The following HAS1 variants were observed in gnomAD, a reference collection of about 807,000 sequenced individuals.
The protein encoded by HAS1 is HA synthase 1.
In HAS1, 27 loss-of-function variants were observed where a neutral mutation model predicts 35.0. That is an observed-to-expected ratio of 0.77 (90% CI 0.57 to 1.06). HAS1 has a LOEUF of 1.06. Among genes scored for constraint, HAS1 ranks in the 50% least tolerant of loss-of-function variants. The pLI is 0.00. For missense variants in HAS1, 940 were observed against 814.8 expected (o/e 1.15, Z -1.87); for synonymous variants, 409 against 371.2 (o/e 1.10, Z -1.17).
intron 1 of HAS1, among the ~76,000 whole-genome samples, chr19:51,721,986 T>C (rs895013245): frequency 1.3e-5 from 2 of 152,212 alleles, no homozygotes; most frequent in African/African-American, 4.8e-5. Flanking sequence ...CAAATACTTT[T>C]ACCCAAGGTC....
At chr19:51,723,862 T>C in intron 1 of HAS1, 63 bp downstream of exon 1, 5 of 1,404,836 alleles carry the variant, frequency 3.6e-6, no homozygotes, top group Non-Finnish European at 4.8e-6. Context: ...CATATGGCAG[T>C]AGTTTTCCCC....
intron 4 of HAS1, among the ~76,000 whole-genome samples, chr19:51,714,822 G>GACTATTGCTGTTACCATT (rs1351058219): frequency 6.6e-6 from 1 of 151,922 alleles, no homozygotes; most frequent in Non-Finnish European, 1.5e-5. Context: ...TTTTTACTAT[G>GACTATTGCTGTTACCATT]ACTATTGCTG....
chr19:51,715,226 C>T (rs556730521), intron 4 of HAS1, among the ~76,000 whole-genome samples: 53 of 152,254 alleles, frequency 3.5e-4, no homozygotes, highest in Non-Finnish European at 5.3e-4. Flanking sequence ...CCCATTACAA[C>T]GTGTCACTTC....
intron 2 of HAS1, among the ~76,000 whole-genome samples, chr19:51,717,428 GTGAGACCCC>G (rs1247972408): frequency 4.6e-5 from 7 of 152,174 alleles, no homozygotes; most frequent in African/African-American, 1.7e-4. Flanking sequence ...TGGTGTGTGA[GTGAGACCCC>G]TAACTTGCTA....
Position 51,714,308 on chromosome 19 carries a change from G to C in HAS1, c.1059-206C>G, listed in dbSNP as rs544730763. On this transcript the variant is annotated intron_variant, in intron 4 of 4. Coordinates refer to ENST00000540069, the MANE Select transcript of HAS1 (RefSeq NM_001297436.2). ...CTCACTCCTGTAATCCCAGCACTTT[G>C]GGAGGCTGAGGGATAAGGAGTTCAA... is the stretch of plus-strand genomic sequence containing the variant. The C allele has an allele frequency of 2.9e-4, 221 of 756,474 alleles. No individual in the cohort carries two copies. In the African/African-American group the frequency reaches 3.7e-3, roughly 13 times the overall value. 46.9% of individuals were successfully genotyped at this position (756,474 alleles called of 1,614,324 possible). A position where few individuals can be genotyped will look rare whatever the true frequency, so the allele number is the denominator to read the frequency against.
chr19:51,719,360 T>G lies in HAS1; in HGVS notation c.545A>C (p.Tyr182Ser), dbSNP rs762435007. 10 of 1,603,250 alleles carry G rather than the reference T, an allele frequency of 6.2e-6. No homozygotes were observed. Among genetic ancestry groups the G allele is most frequent in the Non-Finnish European group, 8.5e-6 (10 of 1,174,982 alleles). ...AAAGAVGAGAYREVEAEDPGR... is the reference protein window; with the variant it reads ...AAAGAVGAGASREVEAEDPGR... ...AGGATCCTCCGCCTCCACCTCCCGATAGGCTCCGGCGCCCACCGCGCCCGC... is the reference window on the plus strand; with the variant it reads ...AGGATCCTCCGCCTCCACCTCCCGAGAGGCTCCGGCGCCCACCGCGCCCGC... Residue 182 changes from tyrosine (Y) to serine (S), a missense_variant, in exon 2 of 5, where the codon TAT (tyrosine) becomes TCT (serine). Physicochemically the swap from Tyr to Ser is moderately radical, Grantham distance 144 (BLOSUM62 -2). Transcript: ENST00000540069.
Position 51,713,388 on chromosome 19 carries a change from C to G in HAS1, c.*39G>C. 1 of 1,448,526 alleles carries G rather than the reference C, an allele frequency of 6.9e-7. No homozygotes were observed. The highest frequency in any genetic ancestry group is 9.1e-7 in the Non-Finnish European group (1 of 1,099,304). The allele number at this position is 1,448,526 out of a possible 1,614,324, so 89.7% of individuals were successfully genotyped here. On this transcript the variant is annotated 3_prime_UTR_variant, in exon 5 of 5. Transcript: ENST00000540069. This position sits in a 1 kb window ranked among gnomAD's most constrained non-coding sequence, Gnocchi z 4.5. ...GGGCCCAGCAGCTCTCCTCTGGCCT[C>G]CCCTGAAGACCCTTGAGGCGGCATC...
intron 2 of HAS1, among the ~76,000 whole-genome samples, chr19:51,717,600 AC>A (rs1297061758): frequency 2.0e-5 from 3 of 152,246 alleles, no homozygotes; most frequent in Non-Finnish European, 4.4e-5. Context: ...GGTGGGCCTG[AC>A]CTAGTCAGGA....
Position 51,719,574 on chromosome 19 carries a change from G to A in HAS1, c.331C>T (p.Arg111Cys). The A allele has an allele frequency of 1.3e-6, 2 of 1,544,552 alleles. No individual in the cohort carries two copies. Among genetic ancestry groups the A allele is most frequent in the South Asian group, 2.4e-5 (2 of 83,256 alleles). Reference protein sequence around the residue: ...SAYQEDPAYLRQCLASARALL... With the variant: ...SAYQEDPAYLCQCLASARALL... ...GCGCGGGCGGACGCCAGGCACTGGC[G>A]CAGGTACGCGGGGTCCTCCTGGTAG... The change falls in exon 2 of 5, where the codon CGC (arginine) becomes TGC (cysteine). Residue 111 changes from arginine to cysteine, a missense_variant. Arg to Cys is a radical substitution (Grantham distance 180). Coordinates refer to ENST00000540069, the MANE Select transcript of HAS1 (RefSeq NM_001297436.2).
chr19:51,719,315 G>C lies in HAS1; in HGVS notation c.590C>G (p.Ala197Gly). The C allele has an allele frequency of 6.2e-7, 1 of 1,612,350 alleles. No individual in the cohort carries two copies. ...AEDPGRLAVE[A>G]LVRTRRCVCV... Reference sequence around the variant, plus strand: ...CACGCACCTGCGAGTCCTCACCAGCGCCTCCACTGCCAGCCGCCCAGGATC... The same window carrying C: ...CACGCACCTGCGAGTCCTCACCAGCCCCTCCACTGCCAGCCGCCCAGGATC... The change falls in exon 2 of 5, where the codon GCG (alanine) becomes GGG (glycine). Residue 197 changes from alanine to glycine, a missense_variant. Coordinates refer to ENST00000540069, the MANE Select transcript of HAS1 (RefSeq NM_001297436.2).
chr19:51,717,389 A>G (rs1013516026), intron 2 of HAS1, among the ~76,000 whole-genome samples, 196 bp from the exon 3 acceptor site: 3 of 152,250 alleles, frequency 2.0e-5, no homozygotes, highest in African/African-American at 7.2e-5. Flanking sequence ...TTGTATGAAC[A>G]TGAACAATAA....
Position 51,713,446 on chromosome 19 carries a change from C to A in HAS1, c.1715G>T (p.Gly572Val), listed in dbSNP as rs575227050. The change falls in exon 5 of 5, where the codon GGC becomes GTC. Residue 572 changes from glycine to valine, a missense_variant. Transcript: ENST00000540069. The surrounding 1 kb of genome is among the most constrained non-coding windows in gnomAD (Gnocchi z 4.5). ...CTGGACTCACACCTGGACGCGGTAG[C>A]CCCCGGTCCGCCGCCGGCAAAGCCT... ...VRRLCRRRTG[G>V]YRVQV The A allele has an allele frequency of 1.2e-5, 19 of 1,538,418 alleles. No homozygotes were observed. The highest frequency in any genetic ancestry group is 2.8e-5 in the African/African-American group (2 of 72,508).
intron 1 of HAS1, among the ~76,000 whole-genome samples, chr19:51,723,500 C>T (rs547642840): frequency 2.4e-4 from 37 of 152,278 alleles, no homozygotes; most frequent in African/African-American, 8.9e-4. Flanking sequence ...AACTTAATAG[C>T]TATTGAACGC....
chr19:51,721,081 G>A (rs998699053), intron 1 of HAS1, among the ~76,000 whole-genome samples: 2 of 152,190 alleles, frequency 1.3e-5, no homozygotes, highest in African/African-American at 4.8e-5. Context: ...GTACAGATGA[G>A]GCAACTGAGT....
chr19:51,713,405 G>T lies in HAS1; in HGVS notation c.*22C>A. 2 of 1,477,000 alleles carry T rather than the reference G, an allele frequency of 1.4e-6. No homozygotes were observed. Among genetic ancestry groups the T allele is most frequent in the Non-Finnish European group, 1.8e-6 (2 of 1,112,816 alleles). 91.5% of individuals were successfully genotyped at this position (1,477,000 alleles called of 1,614,324 possible). ...TCTGGCCTCCCCTGAAGACCCTTGAGGCGGCATCCGCGTGGCTGGACTCAC... is the reference window on the plus strand; with the variant it reads ...TCTGGCCTCCCCTGAAGACCCTTGATGCGGCATCCGCGTGGCTGGACTCAC... On this transcript the variant is annotated 3_prime_UTR_variant, in exon 5 of 5. Transcript: ENST00000540069. The surrounding 1 kb of genome is among the most constrained non-coding windows in gnomAD (Gnocchi z 4.5).
chr19:51,717,447 A>G (rs555674020), intron 2 of HAS1, among the ~76,000 whole-genome samples: 1 of 152,346 alleles, frequency 6.6e-6, no homozygotes, highest in East Asian at 1.9e-4. Flanking sequence ...CTAACTTGCT[A>G]CTAAGCAATA....
chr19:51,715,425 C>T (rs950514942), intron 4 of HAS1, among the ~76,000 whole-genome samples: 2 of 152,104 alleles, frequency 1.3e-5, no homozygotes, highest in Non-Finnish European at 2.9e-5. Flanking sequence ...AACACTTCAC[C>T]CCCAACCCCA....
In HAS1 at chr19:51,713,810, G is replaced by A. The variant is rs1165452954; in HGVS notation, c.1351C>T (p.Leu451=). The A allele has an allele frequency of 3.7e-6, 6 of 1,606,274 alleles. No individual in the cohort carries two copies. Among genetic ancestry groups the A allele is most frequent in the Non-Finnish European group, 5.1e-6 (6 of 1,177,660 alleles). ...AGCACCATGCGCAGGCAGCCCCGCA[G>A]CCAGGCCGCGAAGGCCGCCTTGGCC... ...ALAKAAFAAW[L]RGCLRMVLLS... Residue 451 remains leucine, a synonymous_variant, in exon 5 of 5, where the codon CTG becomes TTG. Transcript: ENST00000540069. This position sits in a 1 kb window ranked among gnomAD's most constrained non-coding sequence, Gnocchi z 4.5.
chr19:51,719,547 G>A lies in HAS1; in HGVS notation c.358C>T (p.Leu120=), dbSNP rs765468167. ...CGCAGCCGCGCGCGCGGGTACAGCA[G>A]GGCGCGGGCGGACGCCAGGCACTGG... ...LRQCLASARA[L]LYPRARLRVL... Residue 120 remains leucine, a synonymous_variant, in exon 2 of 5, where the codon CTG becomes TTG. Coordinates refer to ENST00000540069, the MANE Select transcript of HAS1 (RefSeq NM_001297436.2). 8.4e-6 allele frequency: 13 copies of A among 1,546,772 alleles called. No homozygotes were observed. Among genetic ancestry groups the A allele is most frequent in the East Asian group, 2.5e-5 (1 of 40,402 alleles).
Sources: allele counts gnomAD v4.1 joint callset (sites outside exome capture counted in the v4.1 genomes callset), GRCh38; gene constraint gnomAD v4.1.1; non-coding constraint Gnocchi (gnomAD v3.1); transcripts MANE v1.5; gene names NCBI Gene and HGNC (gene_info 2026-07-23, HGNC 2026-07-21).